The following DIAPH1 variants were observed in gnomAD, a reference collection of about 807,000 sequenced individuals.
DIAPH1 encodes the protein diaphanous related formin 1.
DIAPH1 carries 46 observed loss-of-function variants against 140.7 expected under a neutral mutation model. The ratio of observed to expected loss-of-function variants is 0.33; its 90% CI spans 0.26 to 0.42. DIAPH1 has a LOEUF of 0.42. Ranked by LOEUF, DIAPH1 falls within the 10% of genes least tolerant of loss-of-function variation. DIAPH1 has a pLI of 1.00. For synonymous variants in DIAPH1, 565 were observed against 551.6 expected, an observed-to-expected ratio of 1.02 and a Z score of -0.34; for missense variants, 1,310 against 1,558.7, an observed-to-expected ratio of 0.84 and a Z score of 2.69.
chr5:141,517,057 T>C (rs747855273), intron 27 of DIAPH1, 49 bp from the exon 28 acceptor site: 1 of 1,608,934 alleles, frequency 6.2e-7, no homozygotes, highest in South Asian at 1.1e-5. Context: ...TCATTTCTAA[T>C]TTCTTTCAAA....
rs747213946 is a variant in DIAPH1 at position 141,527,700 on chromosome 5, A to T, written c.3149-3T>A. ...CTTTTGCAAGTTTTCAGCAGAAACTAAAAAAAAAAAAAAAAAAAAAAACCA... is the reference window on the plus strand; with the variant it reads ...CTTTTGCAAGTTTTCAGCAGAAACTTAAAAAAAAAAAAAAAAAAAAAACCA... On this transcript the variant is annotated splice_polypyrimidine_tract_variant and splice_region_variant and intron_variant, in intron 23 of 27. Transcript: ENST00000389054. 4.4e-6 allele frequency: 1 copy of T among 229,096 alleles called. No homozygotes were observed. Among genetic ancestry groups the T allele is most frequent in the South Asian group, 5.3e-5 (1 of 18,860 alleles). The allele number at this position is 229,096 out of a possible 1,614,324, so 14.2% of individuals were successfully genotyped here.
intron 18 of DIAPH1, among the ~76,000 whole-genome samples, chr5:141,545,845 C>A (rs1473388873): frequency 6.6e-6 from 1 of 152,162 alleles, no homozygotes; most frequent in Non-Finnish European, 1.5e-5. Context: ...TGGCTGTGTT[C>A]CAATAAAACC....
At chr5:141,562,818 C>T (rs1030592996) in intron 18 of DIAPH1, among the ~76,000 whole-genome samples, 12 of 152,282 alleles carry the variant, frequency 7.9e-5, no homozygotes, top group African/African-American at 2.9e-4. Flanking sequence ...ATCCTCAAAA[C>T]AGTGCCTTTT....
chr5:141,579,211 G>A lies in DIAPH1; in HGVS notation c.825-15C>T. On this transcript the variant is annotated splice_polypyrimidine_tract_variant and intron_variant, in intron 8 of 27. Coordinates refer to ENST00000389054, the MANE Select transcript of DIAPH1 (RefSeq NM_005219.5). ...CCCTTTCATTCCTGCCCAAGAGAAA[G>A]GAAACGGAGAGAACTTTCCAGGTAC... The A allele has an allele frequency of 6.2e-7, 1 of 1,606,716 alleles. No individual in the cohort carries two copies. Among genetic ancestry groups the A allele is most frequent in the Non-Finnish European group, 8.5e-7 (1 of 1,173,212 alleles).
At chr5:141,564,770 G>C (rs2099894126) in intron 18 of DIAPH1, 2 of 151,976 alleles carry the variant, frequency 1.3e-5, no homozygotes, top group African/African-American at 4.8e-5. Flanking sequence ...TTATTGCAAG[G>C]AAAAAAAGTA....
chr5:141,571,344 C>G, intron 18 of DIAPH1, 84 bp downstream of exon 18: 1 of 1,215,070 alleles, frequency 8.2e-7, no homozygotes, highest in East Asian at 2.4e-5. Context: ...TCTCAGTTTT[C>G]TAATGAGAAA....
At chr5:141,523,392 G>A (rs553960982) in intron 27 of DIAPH1, among the ~76,000 whole-genome samples, 1 of 152,276 alleles carries the variant, frequency 6.6e-6, no homozygotes, top group African/African-American at 2.4e-5. Context: ...CTTTGAATTA[G>A]TCTCTTGGCC....
At chr5:141,611,945 T>C (rs1349939266) in intron 1 of DIAPH1, among the ~76,000 whole-genome samples, 2 of 152,268 alleles carry the variant, frequency 1.3e-5, no homozygotes, top group South Asian at 2.1e-4. Context: ...CAGCCTCCTG[T>C]AATCCCAGCT....
chr5:141,518,988 A>C (rs757310381), intron 27 of DIAPH1: 1 of 1,550,686 alleles, frequency 6.4e-7, no homozygotes, highest in African/African-American at 1.4e-5. Context: ...CAGGGGCACA[A>C]GAGGTTGTCT....
rs991588859 is a variant in DIAPH1, at chr5:141,534,353, T to G, written c.2563A>C (p.Lys855Gln). The G allele has an allele frequency of 1.2e-6, 2 of 1,613,466 alleles. No individual in the cohort carries two copies. The change falls in exon 19 of 28, where the codon AAG becomes CAG. Residue 855 changes from lysine to glutamine, a missense_variant. Lys to Gln is a moderately conservative substitution (Grantham distance 53, BLOSUM62 1). Around this residue, in one of 3 missense-constraint regions of DIAPH1, gnomAD observed 589 missense variants for 549.3 expected, o/e 1.07. Coordinates refer to ENST00000389054, the MANE Select transcript of DIAPH1 (RefSeq NM_005219.5). ...KVKELKVLDS[K>Q]TAQNLSIFLG... ...TACTCACAGAGATTCTGGGCTGTCTTTGAATCCAACACCTTTAACTCTTTT... is the reference window on the plus strand; with the variant it reads ...TACTCACAGAGATTCTGGGCTGTCTGTGAATCCAACACCTTTAACTCTTTT...
At chr5:141,526,700 TTGTG>T (rs1355326367) in intron 24 of DIAPH1, among the ~76,000 whole-genome samples, 2 of 148,830 alleles carry the variant, frequency 1.3e-5, no homozygotes, top group Admixed American at 6.6e-5. Context: ...GTTTGTTTGT[TTGTG>T]TTTGTTTGTT....
chr5:141,580,668 C>G lies in DIAPH1; in HGVS notation c.824+76G>C, dbSNP rs927408598. 7.4e-6 allele frequency: 11 copies of G among 1,489,580 alleles called. 1 individual carries two copies. The highest frequency in any genetic ancestry group is 6.7e-5 in the Admixed American group (4 of 59,688). 92.3% of individuals were successfully genotyped at this position (1,489,580 alleles called of 1,614,324 possible). ...ATTTATGACCGAGAGGACACCCAAC[C>G]AACTCAATTGTCCTCTGAACTAAGA... is the stretch of plus-strand genomic sequence containing the variant. On this transcript the variant is annotated intron_variant, in intron 8 of 27. Coordinates refer to ENST00000389054, the MANE Select transcript of DIAPH1 (RefSeq NM_005219.5).
In DIAPH1 at chr5:141,565,833, AAAGT is replaced by A. The variant is rs2099894282; in HGVS notation, c.2482+5591_2482+5594del. Among the ~76,000 whole-genome samples, 1 of 152,202 alleles carries A rather than the reference AAAGT, an allele frequency of 6.6e-6. No homozygotes were observed. The highest frequency in any genetic ancestry group is 1.5e-5 in the Non-Finnish European group (1 of 68,042). On this transcript the variant is annotated intron_variant, in intron 18 of 27. Coordinates refer to ENST00000389054, the MANE Select transcript of DIAPH1 (RefSeq NM_005219.5). This position sits in a 1 kb window ranked among gnomAD's most constrained non-coding sequence, Gnocchi z 4.3. ...AAGATCAGCCAGTGAGTTAGCAGGA[AAAGT>A]AAGTGTTTCCTGTCCTGAAAGCTAA...
At chr5:141,587,645 CA>C (rs2099897737) in intron 2 of DIAPH1, among the ~76,000 whole-genome samples, 1 of 152,148 alleles carries the variant, frequency 6.6e-6, no homozygotes, top group African/African-American at 2.4e-5. Flanking sequence ...AGATACAAGC[CA>C]AATAGGATAA....
chr5:141,546,937 C>T (rs1179347494), intron 18 of DIAPH1, among the ~76,000 whole-genome samples: 1 of 152,190 alleles, frequency 6.6e-6, no homozygotes, highest in Admixed American at 6.5e-5. Flanking sequence ...CTGGAGTTTC[C>T]ACCATTGTTA....
chr5:141,608,968 G>C (rs536858305), intron 1 of DIAPH1, among the ~76,000 whole-genome samples: 3 of 152,184 alleles, frequency 2.0e-5, no homozygotes, highest in East Asian at 3.9e-4. Flanking sequence ...TAAAACTCCT[G>C]ACAGGTGATG....
At chr5:141,560,314 T>C (rs913186169) in intron 18 of DIAPH1, among the ~76,000 whole-genome samples, 3 of 152,244 alleles carry the variant, frequency 2.0e-5, no homozygotes, top group Non-Finnish European at 4.4e-5. Context: ...TGTCAGTCAC[T>C]GGAAGCAAGC....
intron 11 of DIAPH1, 139 bp downstream of exon 11, chr5:141,578,086 C>T (rs2099896221): frequency 2.6e-6 from 2 of 780,376 alleles, no homozygotes; most frequent in Admixed American, 3.5e-5. Context: ...AAAAATACAC[C>T]TGCCTTATTT....
At chr5:141,579,675 C>T (rs946847366) in intron 8 of DIAPH1, among the ~76,000 whole-genome samples, 3 of 152,042 alleles carry the variant, frequency 2.0e-5, no homozygotes, top group South Asian at 4.2e-4. Flanking sequence ...GTTGGCTGGG[C>T]GCAGTGGCTC....
Sources: gnomAD v4.1 joint callset for allele counts (sites outside exome capture counted in the v4.1 genomes callset) on GRCh38, gnomAD v4.1.1 for gene constraint, gnomAD v4.1.1 regional missense constraint, Gnocchi (gnomAD v3.1) non-coding constraint, MANE v1.5 for transcripts, NCBI Gene and HGNC (gene_info 2026-07-23, HGNC 2026-07-21) for gene names.